CLEC17A: variants seen among roughly 807,000 people sequenced by gnomAD.
CLEC17A encodes C-type lectin domain family 17, member A.
Under a neutral mutation model 61.3 loss-of-function variants are expected in CLEC17A, and 37 were observed. The observed-to-expected ratio is 0.60, with a 90% CI of 0.46 to 0.79. The LOEUF (loss-of-function observed/expected upper bound fraction) is 0.79. CLEC17A is among the 30% of genes least tolerant of loss of function. The pLI is 0.00. For missense variants in CLEC17A, 418 were observed against 464.7 expected (o/e 0.90, Z 0.92); for synonymous variants, 168 against 164.9 (o/e 1.02, Z -0.14).
At chr19:14,587,294 CCA>C (rs1389598697) in intron 2 of CLEC17A, among the ~76,000 whole-genome samples, 1 of 150,324 alleles carries the variant, frequency 6.7e-6, no homozygotes, top group Non-Finnish European at 1.5e-5. Context: ...GGGCTTCCCC[CCA>C]AGATGGATTT....
rs1035565670 is a variant in CLEC17A at position 14,587,529 on chromosome 19, A to G, written c.122-85A>G. 7.8e-6 allele frequency: 11 copies of G among 1,413,144 alleles called. No individual in the cohort carries two copies. The African/African-American group carries it at 1.6e-4, about 20-fold the overall frequency. 87.5% of individuals were successfully genotyped at this position (1,413,144 alleles called of 1,614,324 possible). A position where few individuals can be genotyped will look rare whatever the true frequency, so the allele number is the denominator to read the frequency against. On this transcript the variant is annotated intron_variant, in intron 2 of 13. Coordinates refer to ENST00000417570, the MANE Select transcript of CLEC17A (RefSeq NM_001204118.2). ...AGATCCAGGGTACAGAATCCCCATC[A>G]TGGGGCAGCTGAGGCAGAGACCAGG...
chr19:14,607,415 G>A (rs1485726958), intron 13 of CLEC17A, among the ~76,000 whole-genome samples: 1 of 151,404 alleles, frequency 6.6e-6, no homozygotes, highest in African/African-American at 2.4e-5. Context: ...GTGTTAGCCA[G>A]GATGGTCTTG....
At chr19:14,583,759 A>G (rs2074222116) in intron 2 of CLEC17A, among the ~76,000 whole-genome samples, 1 of 152,096 alleles carries the variant, frequency 6.6e-6, no homozygotes, top group African/African-American at 2.4e-5. Context: ...AGTCCAGGAG[A>G]GAACAGTTAG....
chr19:14,611,613 C>T lies in CLEC17A; in HGVS notation c.*1417C>T, dbSNP rs1300401599. 2.0e-5 allele frequency among the ~76,000 whole-genome samples: 3 copies of T among 152,208 alleles called. No homozygotes were observed. The East Asian group carries it at 5.8e-4, about 29-fold the overall frequency. ...CCCTACATAGTGTGGCCAGGCAGGCCATAACCTGGTCATATCCACACAGGA... is the reference window on the plus strand; with the variant it reads ...CCCTACATAGTGTGGCCAGGCAGGCTATAACCTGGTCATATCCACACAGGA... On this transcript the variant is annotated 3_prime_UTR_variant, in exon 14 of 14. Transcript: ENST00000417570.
chr19:14,595,683 C>A (rs955980346), intron 8 of CLEC17A, among the ~76,000 whole-genome samples: 1 of 128,554 alleles, frequency 7.8e-6, no homozygotes. Flanking sequence ...GTAGTGATGG[C>A]GTTGTTGTGT....
chr19:14,606,704 C>T (rs1397439720), intron 12 of CLEC17A, among the ~76,000 whole-genome samples: 1 of 151,258 alleles, frequency 6.6e-6, no homozygotes, highest in Admixed American at 6.6e-5. Context: ...AAAAGTTAAT[C>T]CTCACAACAC....
In CLEC17A at chr19:14,611,194, C is replaced by G. The variant is rs1451117190; in HGVS notation, c.*998C>G. The G allele has an allele frequency of 2.0e-5, 3 of 151,778 alleles. No individual in the cohort carries two copies. Among genetic ancestry groups the G allele is most frequent in the Non-Finnish European group, 2.9e-5 (2 of 67,988 alleles). The allele number at this position is 151,778 out of a possible 1,614,324, so 9.4% of individuals were successfully genotyped here. A position where few individuals can be genotyped will look rare whatever the true frequency, so the allele number is the denominator to read the frequency against. ...AAGACAGGAGAGCTTCTATATTCAC[C>G]CCATGTCGTCCTCTCCAGACACTGC... On this transcript the variant is annotated 3_prime_UTR_variant, in exon 14 of 14. Transcript: ENST00000417570.
At chr19:14,586,122 CTTTT>C (rs997687603) in intron 2 of CLEC17A, among the ~76,000 whole-genome samples, 3 of 137,414 alleles carry the variant, frequency 2.2e-5, no homozygotes, top group African/African-American at 2.8e-5. Context: ...AATTTCTTTA[CTTTT>C]TTTTTTTTTT....
intron 2 of CLEC17A, among the ~76,000 whole-genome samples, chr19:14,585,974 G>T (rs2074269931): frequency 6.6e-6 from 1 of 151,910 alleles, no homozygotes; most frequent in East Asian, 1.9e-4. Context: ...TTAACATCTT[G>T]TTACAAATGT....
chr19:14,587,374 A>C (rs1035289552), intron 2 of CLEC17A, among the ~76,000 whole-genome samples: 2 of 152,128 alleles, frequency 1.3e-5, no homozygotes, highest in Non-Finnish European at 2.9e-5. Context: ...AGGAGAGACA[A>C]GACCTGGCTA....
Position 14,583,120 on chromosome 19 carries a change from C to G in CLEC17A, c.-41C>G, listed in dbSNP as rs374572477. ...TCGGAGAGACAGGGGGCAGAGGTTGCCAAGCCCTGGCTGCCACTTGTCAGG... is the reference window on the plus strand; with the variant it reads ...TCGGAGAGACAGGGGGCAGAGGTTGGCAAGCCCTGGCTGCCACTTGTCAGG... On this transcript the variant is annotated 5_prime_UTR_variant, in exon 1 of 14. Coordinates refer to ENST00000417570, the MANE Select transcript of CLEC17A (RefSeq NM_001204118.2). 102 of 1,613,122 alleles carry G rather than the reference C, an allele frequency of 6.3e-5. No individual in the cohort carries two copies. The African/African-American group carries it at 1.3e-3, about 20-fold the overall frequency.
At chr19:14,593,421 A>G (rs527839870) in intron 4 of CLEC17A, among the ~76,000 whole-genome samples, 242 of 149,556 alleles carry the variant, frequency 1.6e-3, no homozygotes, top group Non-Finnish European at 2.7e-3. Flanking sequence ...CCAAGGTGGG[A>G]GCATCACTGG....
At position 14,602,458 on chromosome 19, in the gene CLEC17A, A is replaced by G. The variant is rs187317172; in HGVS notation, c.894+2276A>G. On this transcript the variant is annotated intron_variant, in intron 12 of 13. Transcript: ENST00000417570. The stretch of plus-strand genomic sequence containing the variant: ...CAGGTGTGTGCCACCATGCCTGGAT[A>G]ATTTTTAACATTTTTTGTAGAGATG... 4.0e-3 allele frequency among the ~76,000 whole-genome samples: 616 copies of G among 152,108 alleles called. 18 individuals carry two copies. Among genetic ancestry groups the G allele is most frequent in the Admixed American group, 0.035 (535 of 15,268 alleles).
chr19:14,607,724 C>T (rs1210107585), intron 13 of CLEC17A, among the ~76,000 whole-genome samples: 8 of 151,734 alleles, frequency 5.3e-5, no homozygotes, highest in Admixed American at 5.3e-4. Context: ...TTACAGACAC[C>T]CGCCGTCGTG....
rs1433851272 is a variant in CLEC17A, at chr19:14,610,113, A to G, written c.1054A>G (p.Thr352Ala). Residue 352 changes from threonine to alanine, a missense_variant, in exon 14 of 14, where the codon ACC becomes GCC. Physicochemically the swap from Thr to Ala is moderately conservative, Grantham distance 58. Coordinates refer to ENST00000417570, the MANE Select transcript of CLEC17A (RefSeq NM_001204118.2). ...PNNIHDEDCA[T>A]MNKGGTWNDL... ...TAACATCCACGATGAGGACTGTGCT[A>G]CCATGAACAAAGGTGGCACCTGGAA... 1 of 1,612,250 alleles carries G rather than the reference A, an allele frequency of 6.2e-7. No individual in the cohort carries two copies. The highest frequency in any genetic ancestry group is 1.7e-5 in the Admixed American group (1 of 59,740).
rs554292582 is a variant in CLEC17A at position 14,599,933 on chromosome 19, G to A, written c.743-98G>A. ...TGAATGGTGCCCCTCCCCCTCACCGGAGTTGAGCAGTGTACAGCCTGCACA... is the reference window on the plus strand; with the variant it reads ...TGAATGGTGCCCCTCCCCCTCACCGAAGTTGAGCAGTGTACAGCCTGCACA... On this transcript the variant is annotated intron_variant, in intron 11 of 13. Coordinates refer to ENST00000417570, the MANE Select transcript of CLEC17A (RefSeq NM_001204118.2). The A allele has an allele frequency of 7.3e-4, 1,116 of 1,527,984 alleles. 2 individuals are homozygous for A. The highest frequency in any genetic ancestry group is 8.9e-4 in the Non-Finnish European group (997 of 1,121,652). The allele number at this position is 1,527,984 out of a possible 1,614,324, so 94.7% of individuals were successfully genotyped here.
chr19:14,596,965 A>T lies in CLEC17A; in HGVS notation c.535A>T (p.Thr179Ser), dbSNP rs749793508. The change falls in exon 9 of 14, where the codon ACT becomes TCT. Residue 179 changes from threonine to serine, a missense_variant. Transcript: ENST00000417570. The part of the protein sequence containing the change: ...WMVYLCLLVV[T>S]SLFLGCLGLT... ...GGTGTACCTGTGTCTGCTGGTGGTG[A>T]CTTCCCTGTTCCTGGGCTGCCTTGG... 6.2e-7 allele frequency: 1 copy of T among 1,608,766 alleles called. No homozygotes were observed.
chr19:14,595,386 G>A, intron 8 of CLEC17A, 71 bp downstream of exon 8: 1 of 1,546,620 alleles, frequency 6.5e-7, no homozygotes, highest in Admixed American at 1.7e-5. Context: ...TCTACAGTGA[G>A]ACCCTGAGTC....
At chr19:14,601,454 A>G in intron 12 of CLEC17A, among the ~76,000 whole-genome samples, 1 of 152,214 alleles carries the variant, frequency 6.6e-6, no homozygotes, top group Non-Finnish European at 1.5e-5. Flanking sequence ...CTATTTGTAC[A>G]CAATATGTAT....
Sources: allele counts gnomAD v4.1 joint callset (sites outside exome capture counted in the v4.1 genomes callset), GRCh38; gene constraint gnomAD v4.1.1; transcripts MANE v1.5; gene names NCBI Gene and HGNC (gene_info 2026-07-23, HGNC 2026-07-21).